ATAT1: variants seen among roughly 807,000 people sequenced by gnomAD.
The protein encoded by ATAT1 is alpha tubulin acetyltransferase 1.
ATAT1 carries 42 observed loss-of-function variants against 57.2 expected under a neutral mutation model. That is an observed-to-expected ratio of 0.73 (90% CI 0.57 to 0.95). The LOEUF is 0.95. Ranked by LOEUF, ATAT1 falls within the 40% of genes least tolerant of loss-of-function variation. ATAT1 has a pLI of 0.00. For synonymous variants in ATAT1, 168 were observed against 187.1 expected, an observed-to-expected ratio of 0.90 and a Z score of 0.83; for missense variants, 454 against 523.7, an observed-to-expected ratio of 0.87 and a Z score of 1.30.
chr6:30,635,323 G>A (rs749510380), intron 6 of ATAT1, among the ~76,000 whole-genome samples: 5 of 152,166 alleles, frequency 3.3e-5, no homozygotes, highest in Non-Finnish European at 7.3e-5. Flanking sequence ...CTGAGGCCGG[G>A]TGTGGTGGCT....
At chr6:30,636,801 GT>G (rs145449288) in intron 6 of ATAT1, among the ~76,000 whole-genome samples, 5,630 of 150,778 alleles carry the variant, frequency 0.037, 195 homozygotes, top group African/African-American at 0.083. Context: ...AAGGAGCACA[GT>G]TTTTTTTTGT....
intron 1 of ATAT1, 174 bp from the exon 2 acceptor site, chr6:30,627,285 AG>A: frequency 6.2e-7 from 1 of 1,613,778 alleles, no homozygotes; most frequent in South Asian, 1.1e-5. Flanking sequence ...GTGTGACAGA[AG>A]TTTGGGTTTC....
chr6:30,645,957 C>T lies in ATAT1; in HGVS notation c.995C>T (p.Ser332Phe), dbSNP rs1297275243. 1.9e-6 allele frequency: 3 copies of T among 1,548,194 alleles called. No homozygotes were observed. Among genetic ancestry groups the T allele is most frequent in the Non-Finnish European group, 1.7e-6 (2 of 1,146,526 alleles). ...TACAGCCGCCATGGGGGGGTGAATT[C>T]CTCATCCCCCAATACAGGTAAGTAT... Residue 332 changes from serine to phenylalanine, a missense_variant, in exon 11 of 13, where the codon TCC (serine) becomes TTC (phenylalanine). This residue lies in a region of ATAT1 where 216 missense variants were observed against 222.2 expected (regional missense o/e 0.97). Transcript: ENST00000330083.
Position 30,629,903 on chromosome 6 carries a change from A to G in ATAT1, c.501+1473A>G, listed in dbSNP as rs562327095. On this transcript the variant is annotated intron_variant, in intron 6 of 12. Coordinates refer to ENST00000330083, the MANE Select transcript of ATAT1 (RefSeq NM_001031722.4). ...CTCATTTTCACCTCCTTGTTTTCAC[A>G]TAGTTCATTACTCATCTGGTCAGTC... Among the ~76,000 whole-genome samples the G allele has an allele frequency of 2.3e-3, 347 of 152,268 alleles. 2 individuals carry two copies. The highest frequency in any genetic ancestry group is 7.4e-3 in the African/African-American group (306 of 41,546).
chr6:30,629,509 TGC>T (rs1322651874), intron 6 of ATAT1, among the ~76,000 whole-genome samples: 1 of 151,758 alleles, frequency 6.6e-6, no homozygotes, highest in Non-Finnish European at 1.5e-5. Flanking sequence ...CTCCCAAAAG[TGC>T]TGGGATTACA....
chr6:30,642,655 A>G (rs1765712523), intron 9 of ATAT1, 113 bp from the exon 10 acceptor site: 1 of 786,698 alleles, frequency 1.3e-6, no homozygotes, highest in Non-Finnish European at 2.0e-6. Flanking sequence ...AAAAGAAAAA[A>G]AAAAAAAAGA....
chr6:30,628,550 T>C (rs1762156051), intron 6 of ATAT1, 120 bp downstream of exon 6: 1 of 773,492 alleles, frequency 1.3e-6, no homozygotes, highest in African/African-American at 1.8e-5. Context: ...ACAACCAGGC[T>C]CTTTCTTTCT....
At chr6:30,628,495 C>A in intron 6 of ATAT1, 65 bp downstream of exon 6, 1 of 1,342,294 alleles carries the variant, frequency 7.4e-7, no homozygotes, top group Non-Finnish European at 1.1e-6. Context: ...TTATTTATGG[C>A]AAAGAAGTAG....
chr6:30,642,833 G>GGGGGGCGGCC lies in ATAT1; in HGVS notation c.754_755insGGGGGCGGCC (p.Ala252GlyfsTer51). ...GGCCCCTCGCCGCGCCACACCTCCA[G>GGGGGGCGGCC]CCCACCCACCCCCCCGCTCCAGCAG... On this transcript the variant is annotated frameshift_variant, in exon 10 of 13. Coordinates refer to ENST00000330083, the MANE Select transcript of ATAT1 (RefSeq NM_001031722.4). LOFTEE classifies it high-confidence loss of function. 6.5e-7 allele frequency: 1 copy of GGGGGGCGGCC among 1,537,874 alleles called. No homozygotes were observed. Among genetic ancestry groups the GGGGGGCGGCC allele is most frequent in the Non-Finnish European group, 8.7e-7 (1 of 1,145,780 alleles).
chr6:30,628,108 A>G lies in ATAT1; in HGVS notation c.362A>G (p.His121Arg), dbSNP rs1176773608. The stretch of plus-strand genomic sequence containing the variant: ...TACATCCATGAGTCTGTGCAACGCC[A>G]TGGCCATGGGCGAGAACTCTTCCAG... Residue 121 changes from histidine (H) to arginine (R), a missense_variant, in exon 5 of 13, where the codon CAT (histidine) becomes CGT (arginine). Around this residue, in one of 3 missense-constraint regions of ATAT1, gnomAD observed 236 missense variants for 284.5 expected, o/e 0.83. Coordinates refer to ENST00000330083, the MANE Select transcript of ATAT1 (RefSeq NM_001031722.4). 2.5e-6 allele frequency: 4 copies of G among 1,613,026 alleles called. No individual in the cohort carries two copies. The highest frequency in any genetic ancestry group is 3.3e-5 in the Admixed American group (2 of 60,016).
chr6:30,628,021 TTC>T lies in ATAT1; in HGVS notation c.286-5_286-4del. On this transcript the variant is annotated splice_polypyrimidine_tract_variant and intron_variant, in intron 4 of 12. Coordinates refer to ENST00000330083, the MANE Select transcript of ATAT1 (RefSeq NM_001031722.4). The stretch of plus-strand genomic sequence containing the variant: ...GGGGTTCCTAAAACATTTTTATTGT[TTC>T]TCTCTTAGGATGATCGTGAGGCTCA... The T allele has an allele frequency of 6.2e-7, 1 of 1,612,362 alleles. No individual in the cohort carries two copies. The highest frequency in any genetic ancestry group is 8.5e-7 in the Non-Finnish European group (1 of 1,179,464).
chr6:30,629,103 TTGC>T (rs755433877), intron 6 of ATAT1, among the ~76,000 whole-genome samples: 1 of 151,896 alleles, frequency 6.6e-6, no homozygotes, highest in African/African-American at 2.4e-5. Flanking sequence ...TCTCACTATG[TTGC>T]ACTGGGTGGT....
rs557790350 is a variant in ATAT1, at chr6:30,637,644, T to C, written c.502-2733T>C. On this transcript the variant is annotated intron_variant, in intron 6 of 12. Transcript: ENST00000330083. ...GTTGCAGGGAGCCGAGATGACACCA[T>C]TGCACTCCAGCATGGGCAACAGAGT... Among the ~76,000 whole-genome samples, 4 of 147,716 alleles carry C rather than the reference T, an allele frequency of 2.7e-5. 1 individual carries two copies. Among genetic ancestry groups the C allele is most frequent in the African/African-American group, 1.0e-4 (4 of 39,690 alleles).
chr6:30,641,108 T>TACACACAC (rs758048769), intron 8 of ATAT1, among the ~76,000 whole-genome samples: 4 of 146,702 alleles, frequency 2.7e-5, no homozygotes, highest in African/African-American at 7.7e-5. Context: ...CCATCCCATA[T>TACACACAC]ACACACATAC....
At chr6:30,638,863 G>T (rs1003673322) in intron 6 of ATAT1, among the ~76,000 whole-genome samples, 2 of 152,192 alleles carry the variant, frequency 1.3e-5, no homozygotes, top group Admixed American at 1.3e-4. Context: ...AATTAAATGT[G>T]AAAATATAAT....
intron 6 of ATAT1, chr6:30,633,726 TGCTAACGGGAAC>T (rs1763403415): frequency 4.7e-6 from 1 of 211,634 alleles, no homozygotes; most frequent in Non-Finnish European, 1.1e-5. Context: ...GAGACGCCCA[TGCTAACGGGAAC>T]GCTAATGAGG....
Position 30,643,011 on chromosome 6 carries a change from G to A in ATAT1, c.932G>A (p.Arg311Lys). ...AGCCCAGCTCAACGTCGTCGCACCAGGTAATAGGAGTTGAAGGGCTAAGGA... is the reference window on the plus strand; with the variant it reads ...AGCCCAGCTCAACGTCGTCGCACCAAGTAATAGGAGTTGAAGGGCTAAGGA... Residue 311 changes from arginine (R) to lysine (K), a missense_variant and splice_region_variant, in exon 10 of 13, where the codon AGG becomes AAG. By Grantham distance (26) the Arg-to-Lys change is conservative. Transcript: ENST00000330083. 6.2e-7 allele frequency: 1 copy of A among 1,609,214 alleles called. No homozygotes were observed. The highest frequency in any genetic ancestry group is 8.5e-7 in the Non-Finnish European group (1 of 1,177,474).
chr6:30,642,864 G>A lies in ATAT1; in HGVS notation c.785G>A (p.Gly262Glu). 2.5e-6 allele frequency: 3 copies of A among 1,212,226 alleles called. No homozygotes were observed. The highest frequency in any genetic ancestry group is 3.3e-6 in the Non-Finnish European group (3 of 903,588). The allele number at this position is 1,212,226 out of a possible 1,614,324, so 75.1% of individuals were successfully genotyped here. A position where few individuals can be genotyped will look rare whatever the true frequency, so the allele number is the denominator to read the frequency against. ...CCACCCCCCCGCTCCAGCAGCCTGG[G>A]AAACTCACCAGAACGAGGTCCCCTC... The change falls in exon 10 of 13, where the codon GGA (glycine) becomes GAA (glutamate). Residue 262 changes from glycine to glutamate, a missense_variant. By Grantham distance (98) the Gly-to-Glu change is moderately conservative. Around this residue, in one of 3 missense-constraint regions of ATAT1, gnomAD observed 216 missense variants for 222.2 expected, o/e 0.97. Transcript: ENST00000330083.
intron 6 of ATAT1, among the ~76,000 whole-genome samples, chr6:30,639,211 A>C (rs1166569671): frequency 1.3e-5 from 2 of 152,072 alleles, no homozygotes; most frequent in African/African-American, 4.8e-5. Context: ...TGAACTCCTG[A>C]CCTCAAGTGA....
Sources: gnomAD v4.1 joint callset for allele counts (sites outside exome capture counted in the v4.1 genomes callset) on GRCh38, gnomAD v4.1.1 for gene constraint, gnomAD v4.1.1 regional missense constraint, MANE v1.5 for transcripts, NCBI Gene and HGNC (gene_info 2026-07-23, HGNC 2026-07-21) for gene names.